Variants in MACROD2 observed in about 807,000 individuals in gnomAD.
MACROD2 encodes the protein ADP-ribose glycohydrolase MACROD2.
Under a neutral mutation model 70.4 loss-of-function variants are expected in MACROD2, and 36 were observed. That is an observed-to-expected ratio of 0.51 (90% CI 0.39 to 0.68). The LOEUF is 0.68. MACROD2 is among the 30% of genes least tolerant of loss of function. The pLI, the probability that MACROD2 is intolerant of heterozygous loss-of-function variation, is 0.00. For missense variants in MACROD2, 496 were observed against 538.4 expected, an observed-to-expected ratio of 0.92 and a Z score of 0.78; for synonymous variants, 172 against 178.8, an observed-to-expected ratio of 0.96 and a Z score of 0.30.
chr20:14,894,145 T>C (rs916370101), intron 5 of MACROD2: 1 of 152,166 alleles, frequency 6.6e-6, no homozygotes, highest in Non-Finnish European at 1.5e-5. Flanking sequence ...TCAACTTTGT[T>C]TATTGCAATT....
At chr20:15,647,283 G>A (rs751595600) in intron 8 of MACROD2, among the ~76,000 whole-genome samples, 4 of 152,158 alleles carry the variant, frequency 2.6e-5, no homozygotes, top group Non-Finnish European at 5.9e-5. Context: ...AGATAGACTG[G>A]GAAGAAGAAA....
chr20:14,324,759 C>CTAA (rs1156273640), intron 3 of MACROD2: 3 of 152,192 alleles, frequency 2.0e-5, no homozygotes, highest in Admixed American at 6.6e-5. Flanking sequence ...CTATACAAGT[C>CTAA]TAAGTTTCCA....
intron 8 of MACROD2, among the ~76,000 whole-genome samples, chr20:15,824,418 T>C (rs1180374299): frequency 6.6e-6 from 1 of 152,166 alleles, no homozygotes; most frequent in Non-Finnish European, 1.5e-5. Context: ...CTTGTAGAGA[T>C]CTGTAGGGCA....
chr20:14,897,942 T>A (rs2073849908), intron 5 of MACROD2, among the ~76,000 whole-genome samples: 1 of 152,120 alleles, frequency 6.6e-6, no homozygotes, highest in Admixed American at 6.5e-5. Flanking sequence ...ATGAGAAGTC[T>A]GCCCTCATGA....
intron 5 of MACROD2, among the ~76,000 whole-genome samples, chr20:14,714,522 C>T (rs1269158974): frequency 6.6e-6 from 1 of 152,226 alleles, no homozygotes; most frequent in Non-Finnish European, 1.5e-5. Flanking sequence ...TATCCCTCAA[C>T]ATGACCTACA....
rs760049916 is a variant in MACROD2, at chr20:15,159,218, C to T, written c.419-70722C>T. 2.6e-5 allele frequency among the ~76,000 whole-genome samples: 4 copies of T among 152,044 alleles called. No homozygotes were observed. In the East Asian group the frequency reaches 7.7e-4, roughly 29 times the overall value. ...TCATAAAACAAAAAGGGTAAAGCCACTGGGGGAAAAATGTGTCTTTTGTTG... is the reference window on the plus strand; with the variant it reads ...TCATAAAACAAAAAGGGTAAAGCCATTGGGGGAAAAATGTGTCTTTTGTTG... On this transcript the variant is annotated intron_variant, in intron 5 of 17. Transcript: ENST00000684519.
chr20:15,105,324 A>C (rs906979811), intron 5 of MACROD2, among the ~76,000 whole-genome samples: 2 of 152,068 alleles, frequency 1.3e-5, no homozygotes, highest in Admixed American at 1.3e-4. Context: ...CCTATTTTCA[A>C]TATTCTGGAC....
At chr20:14,398,234 T>C (rs1311827937) in intron 3 of MACROD2, among the ~76,000 whole-genome samples, 2 of 152,142 alleles carry the variant, frequency 1.3e-5, no homozygotes, top group Non-Finnish European at 2.9e-5. Flanking sequence ...CTCTTTGATA[T>C]ATTGATTTAC....
intron 6 of MACROD2, among the ~76,000 whole-genome samples, chr20:15,291,366 C>A (rs1385925747): frequency 6.6e-6 from 1 of 152,090 alleles, no homozygotes; most frequent in Admixed American, 6.6e-5. Flanking sequence ...TCCTCATATA[C>A]CTAAATCATC....
intron 5 of MACROD2, among the ~76,000 whole-genome samples, chr20:15,107,797 T>C (rs1396742783): frequency 6.6e-6 from 1 of 152,090 alleles, no homozygotes; most frequent in East Asian, 1.9e-4. Context: ...TGTTTTAATG[T>C]GATAGAATGT....
chr20:14,587,717 A>G (rs532045197), intron 4 of MACROD2, among the ~76,000 whole-genome samples: 2 of 131,806 alleles, frequency 1.5e-5, no homozygotes, highest in South Asian at 6.0e-4. Context: ...AAATTTTATA[A>G]TGTTGGACTA....
intron 5 of MACROD2, among the ~76,000 whole-genome samples, chr20:14,907,668 T>C (rs896244492): frequency 1.2e-4 from 18 of 152,014 alleles, no homozygotes; most frequent in Admixed American, 9.2e-4. Flanking sequence ...AGAAGGAAGT[T>C]AGGATATTGT....
At chr20:16,038,698 CAT>C (rs1046970440) in intron 15 of MACROD2, among the ~76,000 whole-genome samples, 1 of 151,834 alleles carries the variant, frequency 6.6e-6, no homozygotes, top group African/African-American at 2.4e-5. Context: ...GATGTCTATC[CAT>C]ATGTCATCTC....
chr20:14,214,828 C>T (rs950838748), intron 3 of MACROD2, among the ~76,000 whole-genome samples: 1 of 151,816 alleles, frequency 6.6e-6, no homozygotes, highest in African/African-American at 2.4e-5. Flanking sequence ...AGCTTAGCTC[C>T]CACATATCAG....
At chr20:15,999,441 T>C (rs113446540) in intron 15 of MACROD2, among the ~76,000 whole-genome samples, 20 of 152,210 alleles carry the variant, frequency 1.3e-4, no homozygotes, top group African/African-American at 4.3e-4. Flanking sequence ...GAAAAGAATA[T>C]GTATTTTGCA....
intron 5 of MACROD2, among the ~76,000 whole-genome samples, chr20:15,188,304 G>C (rs1449039160): frequency 1.3e-5 from 2 of 152,110 alleles, no homozygotes; most frequent in East Asian, 3.9e-4. Flanking sequence ...GAAAGAAGTA[G>C]CAGATCAAAA....
At chr20:15,551,445 G>T (rs2048095566) in intron 8 of MACROD2, among the ~76,000 whole-genome samples, 1 of 151,170 alleles carries the variant, frequency 6.6e-6, no homozygotes. Flanking sequence ...CATAACTTTA[G>T]TGGACTTTCA....
intron 4 of MACROD2, among the ~76,000 whole-genome samples, chr20:14,579,182 C>T (rs1009707201): frequency 5.9e-5 from 8 of 135,714 alleles, no homozygotes; most frequent in Admixed American, 8.1e-5. Flanking sequence ...TCGCCCAGGC[C>T]GGACTGCGGA....
intron 2 of MACROD2, among the ~76,000 whole-genome samples, chr20:14,011,422 C>G (rs1167617950): frequency 6.6e-6 from 1 of 152,174 alleles, no homozygotes; most frequent in Non-Finnish European, 1.5e-5. Context: ...CTGGTGCTTG[C>G]ATCTCTTCCT....
Sources: allele counts gnomAD v4.1 joint callset (sites outside exome capture counted in the v4.1 genomes callset), GRCh38; gene constraint gnomAD v4.1.1; transcripts MANE v1.5; gene names NCBI Gene and HGNC (gene_info 2026-07-23, HGNC 2026-07-21).